The following DGKD variants were observed in gnomAD, a reference collection of about 807,000 sequenced individuals.
DGKD encodes the protein DAG kinase delta.
Under a neutral mutation model 154.4 loss-of-function variants are expected in DGKD, and 68 were observed. The observed-to-expected ratio is 0.44, with a 90% CI of 0.36 to 0.54. DGKD has a LOEUF of 0.54. DGKD is among the 20% of genes least tolerant of loss of function. DGKD has a pLI of 0.00. For synonymous variants in DGKD, 693 were observed against 638.0 expected (o/e 1.09, Z -1.30); for missense variants, 1,343 against 1,593.6 (o/e 0.84, Z 2.68).
intron 3 of DGKD, among the ~76,000 whole-genome samples, chr2:233,397,840 A>G (rs1340249658): frequency 6.6e-6 from 1 of 150,884 alleles, no homozygotes; most frequent in Non-Finnish European, 1.5e-5. Flanking sequence ...TCAGGTCAGA[A>G]GGGGGTGGAG....
At position 233,451,996 on chromosome 2, in the gene DGKD, G is replaced by A. The variant is rs145038453; in HGVS notation, c.2200G>A (p.Gly734Ser). Residue 734 changes from glycine (G) to serine (S), a missense_variant, in exon 18 of 30, where the codon GGT (glycine) becomes AGT (serine). Around this residue, in one of 6 missense-constraint regions of DGKD, gnomAD observed 409 missense variants for 446.0 expected, o/e 0.92. Transcript: ENST00000264057. ...GGCTGGAATGTCTGGTTCCTTACCC[G>A]GTGGCTCAGTCATCAGTCGCCTGTT... Reference protein sequence around the residue: ...VRAGMSGSLPGGSVISRLLIN... With the variant: ...VRAGMSGSLPSGSVISRLLIN... The A allele has an allele frequency of 4.8e-5, 78 of 1,613,980 alleles. No homozygotes were observed. The African/African-American group carries it at 7.7e-4, about 16-fold the overall frequency.
intron 12 of DGKD, 82 bp downstream of exon 12, chr2:233,446,878 T>C: frequency 1.3e-6 from 2 of 1,494,208 alleles, no homozygotes; most frequent in Non-Finnish European, 1.8e-6. Flanking sequence ...ATCACCTCCC[T>C]TGCAGAGACG....
At chr2:233,423,306 A>G (rs1575090185) in intron 3 of DGKD, among the ~76,000 whole-genome samples, 2 of 152,234 alleles carry the variant, frequency 1.3e-5, no homozygotes, top group Admixed American at 6.5e-5. Flanking sequence ...TGCTAGTCAC[A>G]TGCTTGGTTT....
At chr2:233,464,033 T>A (rs2063750167) in intron 26 of DGKD, 131 bp from the exon 27 acceptor site, 5 of 1,309,776 alleles carry the variant, frequency 3.8e-6, no homozygotes, top group East Asian at 2.5e-5. Context: ...GCTCTGGGAC[T>A]TCGTTTCTGG....
At chr2:233,368,114 G>T (rs1702127923) in intron 1 of DGKD, among the ~76,000 whole-genome samples, 1 of 152,096 alleles carries the variant, frequency 6.6e-6, no homozygotes, top group Admixed American at 6.6e-5. Flanking sequence ...TACAGGACTT[G>T]CCTGAAGCAA....
intron 3 of DGKD, 74 bp downstream of exon 3, chr2:233,390,557 C>A: frequency 1.8e-6 from 2 of 1,093,666 alleles, no homozygotes; most frequent in Non-Finnish European, 2.8e-6. Context: ...AACATGTGTC[C>A]AAGCAGTTCA....
At chr2:233,421,483 T>C (rs2062111259) in intron 3 of DGKD, among the ~76,000 whole-genome samples, 1 of 152,248 alleles carries the variant, frequency 6.6e-6, no homozygotes, top group Admixed American at 6.5e-5. Context: ...TGAGCTTGCA[T>C]GGCTTCTTAT....
chr2:233,399,132 G>A (rs1454492258), intron 3 of DGKD, among the ~76,000 whole-genome samples: 1 of 152,154 alleles, frequency 6.6e-6, no homozygotes, highest in Non-Finnish European at 1.5e-5. Context: ...GAAAGCAGTG[G>A]GCTTTATTCT....
chr2:233,355,767 C>G (rs1431039280), intron 1 of DGKD, among the ~76,000 whole-genome samples: 5 of 152,234 alleles, frequency 3.3e-5, no homozygotes, highest in African/African-American at 1.2e-4. Flanking sequence ...TAGCAAATAA[C>G]AATTCTTTAA....
chr2:233,373,896 A>G (rs1349493792), intron 1 of DGKD, among the ~76,000 whole-genome samples: 1 of 152,232 alleles, frequency 6.6e-6, no homozygotes, highest in African/African-American at 2.4e-5. Context: ...AAAAAGAAAT[A>G]ACATATAGAA....
chr2:233,464,147 C>T lies in DGKD; in HGVS notation c.3187-17C>T, dbSNP rs766939722. The T allele has an allele frequency of 1.2e-6, 2 of 1,613,254 alleles. No homozygotes were observed. The highest frequency in any genetic ancestry group is 2.2e-5 in the South Asian group (2 of 91,086). Reference sequence around the variant, plus strand: ...GCACACTCTCCATTTCTCTCTCCCTCCCTCCGCCTGGAGCAGCAGCTGGAT... The same window carrying T: ...GCACACTCTCCATTTCTCTCTCCCTTCCTCCGCCTGGAGCAGCAGCTGGAT... On this transcript the variant is annotated splice_polypyrimidine_tract_variant and intron_variant, in intron 26 of 29. Coordinates refer to ENST00000264057, the MANE Select transcript of DGKD (RefSeq NM_152879.3).
intron 29 of DGKD, 27 bp downstream of exon 29, chr2:233,468,580 C>G: frequency 1.9e-6 from 3 of 1,612,594 alleles, no homozygotes; most frequent in Non-Finnish European, 1.7e-6. Context: ...CTCCCTGGAA[C>G]CTGCACTTGG....
rs1288848592 is a variant in DGKD at position 233,452,571 on chromosome 2, T to G, written c.2264+511T>G. Among the ~76,000 whole-genome samples, 2 of 152,122 alleles carry G rather than the reference T, an allele frequency of 1.3e-5. 1 individual carries two copies. ...TGTCTCCCTTGTGTCTCCGAGCACCTTAGGGAGACACTAGCCTGTGCTGAG... is the reference window on the plus strand; with the variant it reads ...TGTCTCCCTTGTGTCTCCGAGCACCGTAGGGAGACACTAGCCTGTGCTGAG... On this transcript the variant is annotated intron_variant, in intron 18 of 29. Transcript: ENST00000264057. This position sits in a 1 kb window ranked among gnomAD's most constrained non-coding sequence, Gnocchi z 4.0.
At chr2:233,451,227 A>T (rs1396534951) in intron 17 of DGKD, among the ~76,000 whole-genome samples, 177 bp downstream of exon 17, 28 of 117,268 alleles carry the variant, frequency 2.4e-4, no homozygotes, top group Non-Finnish European at 3.1e-4. Flanking sequence ...TTTTAAAAAC[A>T]AAAAACAAAA....
chr2:233,450,296 C>T (rs566385443), intron 16 of DGKD, among the ~76,000 whole-genome samples, 165 bp downstream of exon 16: 2 of 151,794 alleles, frequency 1.3e-5, no homozygotes, highest in South Asian at 2.1e-4. Flanking sequence ...ATCTCCTGTG[C>T]GCGCCCTTGA....
chr2:233,400,924 T>C (rs921312722), intron 3 of DGKD, among the ~76,000 whole-genome samples: 1 of 152,122 alleles, frequency 6.6e-6, no homozygotes, highest in Non-Finnish European at 1.5e-5. Flanking sequence ...CTACGCGGTA[T>C]TTCCAAAGTG....
chr2:233,359,406 G>T (rs573849871), intron 1 of DGKD, among the ~76,000 whole-genome samples: 1 of 152,266 alleles, frequency 6.6e-6, no homozygotes, highest in South Asian at 2.1e-4. Flanking sequence ...AATTAAATGG[G>T]ATAATTTGTG....
At chr2:233,371,898 A>G (rs1281956919) in intron 1 of DGKD, among the ~76,000 whole-genome samples, 3 of 152,250 alleles carry the variant, frequency 2.0e-5, no homozygotes, top group Non-Finnish European at 1.5e-5. Flanking sequence ...TGGAGTTCAT[A>G]AAGTGATTCT....
intron 17 of DGKD, 64 bp downstream of exon 17, chr2:233,451,114 G>T: frequency 1.4e-6 from 2 of 1,431,446 alleles, no homozygotes; most frequent in Middle Eastern, 2.0e-4. Flanking sequence ...CCGTCAAACT[G>T]AAAGAGATGG....
Sources: allele counts gnomAD v4.1 joint callset (sites outside exome capture counted in the v4.1 genomes callset), GRCh38; gene constraint gnomAD v4.1.1; regional missense constraint gnomAD v4.1.1; non-coding constraint Gnocchi (gnomAD v3.1); transcripts MANE v1.5; gene names NCBI Gene and HGNC (gene_info 2026-07-23, HGNC 2026-07-21).